ABCB11: variants seen among roughly 807,000 people sequenced by gnomAD.
The protein encoded by ABCB11 is ATP binding cassette subfamily B member 11, also known as bile salt export pump.
ABCB11 carries 95 observed loss-of-function variants against 148.0 expected under a neutral mutation model. The observed-to-expected ratio is 0.64, with a 90% CI of 0.54 to 0.76. The LOEUF (loss-of-function observed/expected upper bound fraction) is 0.76. Among genes scored for constraint, ABCB11 ranks in the 30% least tolerant of loss-of-function variants. The probability of loss-of-function intolerance (pLI) is 0.00; values close to 1 mark genes in which losing one functional copy is unlikely to be tolerated. For missense variants in ABCB11, 1,523 were observed against 1,617.8 expected (o/e 0.94, Z 1.01); for synonymous variants, 591 against 555.4 (o/e 1.06, Z -0.90).
In ABCB11 at chr2:168,932,420, C is replaced by T. The variant is rs200174512; in HGVS notation, c.3170G>A (p.Arg1057Gln). The change falls in exon 24 of 28, where the codon CGA becomes CAA. Residue 1057 changes from arginine to glutamine, a missense_variant. Transcript: ENST00000650372. Reference protein sequence around the residue: ...SAARFFQLLDRQPPISVYNTA... With the variant: ...SAARFFQLLDQQPPISVYNTA... ...ATTGTATACACTGATTGGGGGTTGT[C>T]GGTCCAGCAGTTGAAAAAAGCGTGC... 1.1e-4 allele frequency: 167 copies of T among 1,588,946 alleles called. 1 individual carries two copies. The Admixed American group carries it at 1.3e-3, about 12-fold the overall frequency.
chr2:169,015,677 C>T (rs890735294), intron 3 of ABCB11, among the ~76,000 whole-genome samples: 7 of 152,140 alleles, frequency 4.6e-5, no homozygotes, highest in African/African-American at 1.7e-4. Context: ...CCCCACCCCC[C>T]ACGCACCATT....
intron 13 of ABCB11, among the ~76,000 whole-genome samples, chr2:168,973,473 A>G (rs531556201): frequency 5.3e-5 from 8 of 152,174 alleles, no homozygotes; most frequent in Non-Finnish European, 1.2e-4. Flanking sequence ...AAATGTTGCT[A>G]TGCCACATCT....
Position 168,986,244 on chromosome 2 carries a change from T to C in ABCB11, c.949A>G (p.Arg317Gly), listed in dbSNP as rs765590705. The C allele has an allele frequency of 3.7e-6, 6 of 1,613,174 alleles. No individual in the cohort carries two copies. In the African/African-American group the frequency reaches 6.7e-5, roughly 18 times the overall value. Residue 317 changes from arginine to glycine, a missense_variant, in exon 10 of 28, where the codon AGA becomes GGA. Arg to Gly is a moderately radical substitution (Grantham distance 125). Coordinates refer to ENST00000650372, the MANE Select transcript of ABCB11 (RefSeq NM_003742.4). ...NLVFAQRWGI[R>G]KGIVMGFFTG... ...AAGAATCCCATCACTATTCCTTTTC[T>C]AATTCCCCAACGCTGGGCGAACACA...
intron 18 of ABCB11, among the ~76,000 whole-genome samples, 183 bp from the exon 19 acceptor site, chr2:168,958,311 G>C (rs1692893964): frequency 1.3e-5 from 2 of 151,582 alleles, no homozygotes; most frequent in East Asian, 3.9e-4. Flanking sequence ...TATTGCTGTG[G>C]CTTGAATAAA....
At chr2:168,938,588 T>G (rs1026865157) in intron 21 of ABCB11, among the ~76,000 whole-genome samples, 1 of 152,104 alleles carries the variant, frequency 6.6e-6, no homozygotes, top group Non-Finnish European at 1.5e-5. Flanking sequence ...AAAACATTTC[T>G]AGAGATGAAT....
intron 8 of ABCB11, among the ~76,000 whole-genome samples, chr2:168,993,039 A>G (rs1400276147): frequency 6.6e-6 from 1 of 151,960 alleles, no homozygotes; most frequent in Admixed American, 6.6e-5. Context: ...CGAAATTCCT[A>G]TTCCTATATG....
At chr2:168,929,318 C>T (rs571411000) in intron 25 of ABCB11, among the ~76,000 whole-genome samples, 6 of 152,064 alleles carry the variant, frequency 3.9e-5, no homozygotes, top group Middle Eastern at 6.8e-3. Flanking sequence ...AACAGGCAAA[C>T]GTTGCGAGTG....
At chr2:168,935,071 G>C in intron 23 of ABCB11, 113 bp downstream of exon 23, 1 of 1,433,222 alleles carries the variant, frequency 7.0e-7, no homozygotes, top group Non-Finnish European at 9.6e-7. Context: ...CCCAGCTATT[G>C]TAAGACACCA....
Position 168,993,739 on chromosome 2 carries a change from A to G in ABCB11, c.755T>C (p.Ile252Thr), listed in dbSNP as rs775795451. Reference sequence around the variant, plus strand: ...ACCAATGGTGGCTGCTCCAATCCCAATGAGAGGGCTGACAGAAATAATAAC... The same window carrying G: ...ACCAATGGTGGCTGCTCCAATCCCAGTGAGAGGGCTGACAGAAATAATAAC... ...TLVIISVSPL[I>T]GIGAATIGLS... Residue 252 changes from isoleucine to threonine, a missense_variant, in exon 8 of 28, where the codon ATT (isoleucine) becomes ACT (threonine). Transcript: ENST00000650372. The G allele has an allele frequency of 1.9e-6, 3 of 1,609,900 alleles. No homozygotes were observed. Among genetic ancestry groups the G allele is most frequent in the East Asian group, 2.2e-5 (1 of 44,634 alleles).
At position 168,937,391 on chromosome 2, in the gene ABCB11, ATGG is replaced by A. The variant is rs1691878806; in HGVS notation, c.2611-961_2611-959del. On this transcript the variant is annotated intron_variant, in intron 21 of 27. Coordinates refer to ENST00000650372, the MANE Select transcript of ABCB11 (RefSeq NM_003742.4). ...CCTAGGAGTGGAATTGCTGGGTCATATGGTAGTCCCCTGTTCAAAAAGTTAAGT... is the reference window on the plus strand; with the variant it reads ...CCTAGGAGTGGAATTGCTGGGTCATATAGTCCCCTGTTCAAAAAGTTAAGT... Among the ~76,000 whole-genome samples, 7 of 152,336 alleles carry A rather than the reference ATGG, an allele frequency of 4.6e-5. No homozygotes were observed. The South Asian group carries it at 1.2e-3, about 27-fold the overall frequency.
intron 6 of ABCB11, among the ~76,000 whole-genome samples, chr2:168,996,358 T>C (rs1558916737): frequency 2.0e-5 from 3 of 151,980 alleles, no homozygotes; most frequent in African/African-American, 4.8e-5. Flanking sequence ...CAAATGTCCA[T>C]TTCTGGATAT....
At position 168,926,073 on chromosome 2, in the gene ABCB11, A is replaced by T. The variant is rs955606609; in HGVS notation, c.3618+1083T>A. Reference sequence around the variant, plus strand: ...CCACAAACCCACAAAATTTATAAACATAATCACTTATAAAGAAAAACAATT... The same window carrying T: ...CCACAAACCCACAAAATTTATAAACTTAATCACTTATAAAGAAAAACAATT... On this transcript the variant is annotated intron_variant, in intron 26 of 27. Coordinates refer to ENST00000650372, the MANE Select transcript of ABCB11 (RefSeq NM_003742.4). 3.3e-5 allele frequency among the ~76,000 whole-genome samples: 5 copies of T among 152,228 alleles called. No homozygotes were observed. The East Asian group carries it at 9.6e-4, about 29-fold the overall frequency.
chr2:169,015,366 T>TAAAAAA (rs1204718638), intron 3 of ABCB11, among the ~76,000 whole-genome samples: 131 of 152,262 alleles, frequency 8.6e-4, no homozygotes, highest in African/African-American at 3.0e-3. Context: ...TAAGCTTCCC[T>TAAAAAA]TCTGGCCCAG....
In ABCB11 at chr2:168,922,745, C is replaced by G. The variant is rs1191438678; in HGVS notation, c.*877G>C. ...GGAGCAGGGGCAAATGAGTGCTTTT[C>G]TGCCATATTTACTTGCTTTTTTGTA... On this transcript the variant is annotated 3_prime_UTR_variant, in exon 28 of 28. Transcript: ENST00000650372. Among the ~76,000 whole-genome samples, 1 of 152,182 alleles carries G rather than the reference C, an allele frequency of 6.6e-6. No individual in the cohort carries two copies. Among genetic ancestry groups the G allele is most frequent in the Non-Finnish European group, 1.5e-5 (1 of 68,032 alleles).
rs192105099 is a variant in ABCB11, at chr2:168,934,678, T to C, written c.3056+506A>G. 1.1e-4 allele frequency among the ~76,000 whole-genome samples: 16 copies of C among 152,346 alleles called. No homozygotes were observed. In the East Asian group the frequency reaches 2.9e-3, roughly 28 times the overall value. ...CCTCTAGATTTTCTCAGCATTAACA[T>C]GTGTGGCAGATTGTTTATAAACAAC... On this transcript the variant is annotated intron_variant, in intron 23 of 27. Transcript: ENST00000650372.
In ABCB11 at chr2:168,923,754, G is replaced by A. The variant is rs1374522673; in HGVS notation, c.3834C>T (p.Ser1278=). The change falls in exon 28 of 28, where the codon TCC becomes TCT. Residue 1278 remains serine, a synonymous_variant. Coordinates refer to ENST00000650372, the MANE Select transcript of ABCB11 (RefSeq NM_003742.4). ...RTCIVIAHRL[S]TIQNADIIAV... ...CAATGATATCCGCGTTCTGGATGGT[G>A]GACAAGCGATGGGCAATGACAATGC... The A allele has an allele frequency of 2.5e-6, 4 of 1,613,860 alleles. No homozygotes were observed. The highest frequency in any genetic ancestry group is 1.6e-4 in the Middle Eastern group (1 of 6,062).
chr2:169,026,625 A>G (rs1695703942), intron 1 of ABCB11, among the ~76,000 whole-genome samples: 1 of 152,230 alleles, frequency 6.6e-6, no homozygotes, highest in South Asian at 2.1e-4. Context: ...ATGAATTGCC[A>G]TGTATCATTA....
intron 27 of ABCB11, among the ~76,000 whole-genome samples, chr2:168,924,081 T>C (rs1181021549): frequency 3.3e-5 from 5 of 152,194 alleles, no homozygotes; most frequent in Admixed American, 2.0e-4. Context: ...TTACAATATT[T>C]GATGGTCTAG....
rs769910565 is a variant in ABCB11 at position 168,968,498 on chromosome 2, A to C, written c.2012-8T>G. Reference sequence around the variant, plus strand: ...TGTCATCTTCAGTTGCATCTACTCAACACAGCATGAGCAATTTTTTAGTAT... The same window carrying C: ...TGTCATCTTCAGTTGCATCTACTCACCACAGCATGAGCAATTTTTTAGTAT... On this transcript the variant is annotated splice_polypyrimidine_tract_variant and splice_region_variant and intron_variant, in intron 16 of 27. Transcript: ENST00000650372. 8.3e-5 allele frequency: 133 copies of C among 1,607,848 alleles called. No homozygotes were observed. Among genetic ancestry groups the C allele is most frequent in the Non-Finnish European group, 1.1e-4 (130 of 1,176,224 alleles).
Sources: allele counts gnomAD v4.1 joint callset (sites outside exome capture counted in the v4.1 genomes callset), GRCh38; gene constraint gnomAD v4.1.1; transcripts MANE v1.5; gene names NCBI Gene and HGNC (gene_info 2026-07-23, HGNC 2026-07-21).